The following SIDT1 variants were observed in gnomAD, a reference collection of about 807,000 sequenced individuals.
The protein encoded by SIDT1 is SID1 transmembrane family, member 1.
In SIDT1, 101 loss-of-function variants were observed where a neutral mutation model predicts 107.5. The ratio of observed to expected loss-of-function variants is 0.94; its 90% CI spans 0.80 to 1.11. The LOEUF is 1.11. Among genes scored for constraint, SIDT1 ranks in the 50% least tolerant of loss-of-function variants. SIDT1 has a pLI of 0.00. For synonymous variants in SIDT1, 395 were observed against 398.2 expected (o/e 0.99, Z 0.10); for missense variants, 1,076 against 1,058.2 (o/e 1.02, Z -0.23).
intron 4 of SIDT1, among the ~76,000 whole-genome samples, chr3:113,579,693 T>A (rs1943181499): frequency 6.6e-6 from 1 of 152,228 alleles, no homozygotes; most frequent in Non-Finnish European, 1.5e-5. Flanking sequence ...AATACAAAGT[T>A]AAGTTTTAAC....
rs6771864 is a variant in SIDT1, at chr3:113,537,045, T to A, written c.222+3802T>A. On this transcript the variant is annotated intron_variant, in intron 1 of 24. Transcript: ENST00000264852. ...AATGAGAATACTCTTGTAGAGACAG[T>A]TGGCAGCAACAATCAGATGTTTCTA... is the stretch of plus-strand genomic sequence containing the variant. Among the ~76,000 whole-genome samples the A allele has an allele frequency of 4.6e-5, 7 of 152,228 alleles. No homozygotes were observed. In the East Asian group the frequency reaches 1.4e-3, roughly 29 times the overall value.
intron 20 of SIDT1, among the ~76,000 whole-genome samples, chr3:113,619,189 A>G (rs1946298550): frequency 6.6e-6 from 1 of 152,208 alleles, no homozygotes. Flanking sequence ...TATTGTAGAC[A>G]CAGGAACCTG....
At chr3:113,580,078 A>G (rs540945392) in intron 4 of SIDT1, among the ~76,000 whole-genome samples, 114 of 152,338 alleles carry the variant, frequency 7.5e-4, no homozygotes, top group African/African-American at 2.6e-3. Flanking sequence ...TGTTCTCACT[A>G]TATTCCAGCC....
At position 113,603,103 on chromosome 3, in the gene SIDT1, G is replaced by C. The variant is rs200970930; in HGVS notation, c.1216G>C (p.Asp406His). The part of the protein sequence containing the change: ...TDSSVEESDF[D>H]TMPDIESDKN... ...CAGCTCCGTGGAGGAGAGCGACTTC[G>C]ACACCATGCCAGACATTGAGAGTGA... Residue 406 changes from aspartate (D) to histidine (H), a missense_variant, in exon 12 of 25, where the codon GAC (aspartate) becomes CAC (histidine). Coordinates refer to ENST00000264852, the MANE Select transcript of SIDT1 (RefSeq NM_017699.3). 6.2e-7 allele frequency: 1 copy of C among 1,614,086 alleles called. No homozygotes were observed.
chr3:113,545,114 T>TAAAAAAAAAAAAA (rs554009768), intron 1 of SIDT1, among the ~76,000 whole-genome samples: 4 of 73,972 alleles, frequency 5.4e-5, no homozygotes, highest in African/African-American at 2.3e-4. Flanking sequence ...GAGACTCTGT[T>TAAAAAAAAAAAAA]AAAAAAAAAA....
At chr3:113,564,345 A>G (rs113875591) in intron 1 of SIDT1, among the ~76,000 whole-genome samples, 30 of 152,382 alleles carry the variant, frequency 2.0e-4, no homozygotes, top group African/African-American at 6.5e-4. Flanking sequence ...GATGATAAGT[A>G]CATGAGCACT....
chr3:113,551,298 T>C (rs1940201838), intron 1 of SIDT1, among the ~76,000 whole-genome samples: 1 of 152,204 alleles, frequency 6.6e-6, no homozygotes, highest in African/African-American at 2.4e-5. Context: ...GATTACTGGT[T>C]CGAATGGTAT....
At chr3:113,616,583 C>T (rs1233647335) in intron 20 of SIDT1, among the ~76,000 whole-genome samples, 22 of 152,022 alleles carry the variant, frequency 1.4e-4, no homozygotes, top group Admixed American at 1.0e-3. Context: ...ATGGGATGAT[C>T]TGTGTAGCAA....
At chr3:113,537,967 G>A (rs900465631) in intron 1 of SIDT1, among the ~76,000 whole-genome samples, 1 of 152,000 alleles carries the variant, frequency 6.6e-6, no homozygotes, top group Admixed American at 6.6e-5. Flanking sequence ...ATTTTTAGGA[G>A]ATACAGGGTT....
chr3:113,556,597 T>G (rs958033758), intron 1 of SIDT1, among the ~76,000 whole-genome samples: 3 of 152,120 alleles, frequency 2.0e-5, no homozygotes, highest in African/African-American at 7.2e-5. Context: ...AAACAGAGAT[T>G]CATCAATCAG....
chr3:113,603,859 CAATTTT>C (rs1177842918), intron 12 of SIDT1, 95 bp from the exon 13 acceptor site: 7 of 759,124 alleles, frequency 9.2e-6, no homozygotes, highest in Non-Finnish European at 1.5e-5. Context: ...ATAATTTTAA[CAATTTT>C]AATTTAAATT....
chr3:113,598,993 G>A (rs1453587933), intron 10 of SIDT1, among the ~76,000 whole-genome samples: 1 of 152,164 alleles, frequency 6.6e-6, no homozygotes, highest in African/African-American at 2.4e-5. Context: ...AGCCAGGTGT[G>A]GTGGCATGAC....
intron 10 of SIDT1, among the ~76,000 whole-genome samples, chr3:113,596,870 T>C (rs1944594273): frequency 1.3e-5 from 2 of 152,196 alleles, no homozygotes; most frequent in African/African-American, 4.8e-5. Flanking sequence ...TAATCGGTTG[T>C]AGATTTAAGA....
chr3:113,538,690 A>T (rs1037768122), intron 1 of SIDT1, among the ~76,000 whole-genome samples: 2 of 152,246 alleles, frequency 1.3e-5, no homozygotes, highest in Non-Finnish European at 2.9e-5. Flanking sequence ...ATTGAACAGC[A>T]GTTCTCCAAG....
At chr3:113,612,057 A>C in intron 18 of SIDT1, 29 bp from the exon 19 acceptor site, 1 of 1,537,816 alleles carries the variant, frequency 6.5e-7, no homozygotes, top group South Asian at 1.1e-5. Context: ...AAAACCTCAG[A>C]TGAAGGTAAC....
At chr3:113,635,760 G>A in the SIDT1 span, among the ~76,000 whole-genome samples, 5 of 151,816 alleles carry the variant, frequency 3.3e-5, no homozygotes, top group African/African-American at 4.8e-5. Context: ...CCAGCTTCTC[G>A]GGAGGCTGAG....
chr3:113,549,609 T>C (rs1939984602), intron 1 of SIDT1, among the ~76,000 whole-genome samples: 8 of 152,218 alleles, frequency 5.3e-5, no homozygotes, highest in Admixed American at 5.2e-4. Context: ...TTATTCATTA[T>C]TGTTGAGAAG....
chr3:113,562,120 C>T (rs1339828494), intron 1 of SIDT1, among the ~76,000 whole-genome samples: 1 of 152,108 alleles, frequency 6.6e-6, no homozygotes, highest in Non-Finnish European at 1.5e-5. Context: ...GGCAGGTAAA[C>T]TAGCAGTTTA....
At chr3:113,572,998 T>C (rs1220978539) in intron 3 of SIDT1, among the ~76,000 whole-genome samples, 8 of 149,674 alleles carry the variant, frequency 5.3e-5, no homozygotes, top group African/African-American at 1.2e-4. Context: ...TTACATTCCT[T>C]TTTTTTTTTT....
Sources: allele counts gnomAD v4.1 joint callset (sites outside exome capture counted in the v4.1 genomes callset), GRCh38; gene constraint gnomAD v4.1.1; transcripts MANE v1.5; gene names NCBI Gene and HGNC (gene_info 2026-07-23, HGNC 2026-07-21).